The following SFMBT1 variants were observed in gnomAD, a reference collection of about 807,000 sequenced individuals.
SFMBT1 encodes scm-like with four MBT domains protein 1.
In SFMBT1, 32 loss-of-function variants were observed where a neutral mutation model predicts 108.7. The ratio of observed to expected loss-of-function variants is 0.29; its 90% CI spans 0.22 to 0.40. The LOEUF (loss-of-function observed/expected upper bound fraction) is 0.40. Ranked by LOEUF, SFMBT1 falls within the 10% of genes least tolerant of loss-of-function variation. SFMBT1 has a pLI of 1.00. For synonymous variants in SFMBT1, 348 were observed against 369.5 expected, an observed-to-expected ratio of 0.94 and a Z score of 0.67; for missense variants, 816 against 1,059.6, an observed-to-expected ratio of 0.77 and a Z score of 3.19.
At chr3:52,949,356 T>A (rs890162050) in intron 3 of SFMBT1, among the ~76,000 whole-genome samples, 87 of 152,258 alleles carry the variant, frequency 5.7e-4, no homozygotes, top group African/African-American at 1.9e-3. Context: ...CTCAACAATG[T>A]CCTTACTAAT....
At chr3:53,026,484 T>C (rs990769547) in intron 1 of SFMBT1, among the ~76,000 whole-genome samples, 7 of 152,038 alleles carry the variant, frequency 4.6e-5, no homozygotes, top group Non-Finnish European at 7.4e-5. Flanking sequence ...AAAGAGCAAA[T>C]AGAGGAACTC....
chr3:52,966,626 A>G (rs1458178305), intron 2 of SFMBT1, among the ~76,000 whole-genome samples: 2 of 121,688 alleles, frequency 1.6e-5, no homozygotes, highest in Non-Finnish European at 3.6e-5. Flanking sequence ...CTCAGTCTCA[A>G]AAAAAAAAAA....
At chr3:52,995,204 G>C (rs1698280814) in intron 1 of SFMBT1, among the ~76,000 whole-genome samples, 1 of 149,510 alleles carries the variant, frequency 6.7e-6, no homozygotes, top group African/African-American at 2.4e-5. Flanking sequence ...ATGGAAAAAG[G>C]ATAGTATTTT....
chr3:53,042,505 AATTT>A, intron 1 of SFMBT1, among the ~76,000 whole-genome samples: 1 of 152,102 alleles, frequency 6.6e-6, no homozygotes, highest in Non-Finnish European at 1.5e-5. Context: ...GCGCCTGGCT[AATTT>A]TTTTATTTTT....
intron 1 of SFMBT1, among the ~76,000 whole-genome samples, chr3:52,998,535 C>T (rs1007006132): frequency 4.7e-5 from 7 of 150,384 alleles, no homozygotes; most frequent in African/African-American, 1.7e-4. Flanking sequence ...TGCTGAAGGG[C>T]CCAGCCATAG....
intron 12 of SFMBT1, among the ~76,000 whole-genome samples, chr3:52,919,372 T>A (rs138984841): frequency 1.3e-5 from 2 of 152,278 alleles, no homozygotes; most frequent in Non-Finnish European, 2.9e-5. Context: ...GGACACACAC[T>A]ACAACATGGA....
At chr3:52,927,118 G>A (rs1298241276) in intron 9 of SFMBT1, among the ~76,000 whole-genome samples, 4 of 152,092 alleles carry the variant, frequency 2.6e-5, no homozygotes, top group Non-Finnish European at 5.9e-5. Flanking sequence ...GGGATATCTA[G>A]AGCGTGCCTG....
intron 1 of SFMBT1, among the ~76,000 whole-genome samples, chr3:53,021,653 T>A (rs1467776692): frequency 6.6e-6 from 1 of 152,100 alleles, no homozygotes; most frequent in African/African-American, 2.4e-5. Flanking sequence ...TTTGGGAGAA[T>A]CGGAAGACAC....
chr3:53,035,142 G>A (rs1349343948), intron 1 of SFMBT1, among the ~76,000 whole-genome samples: 4 of 152,226 alleles, frequency 2.6e-5, no homozygotes, highest in East Asian at 3.9e-4. Context: ...CAAATGGACT[G>A]GGCCTGAGTG....
intron 9 of SFMBT1, among the ~76,000 whole-genome samples, chr3:52,927,178 A>C (rs1433555369): frequency 6.6e-6 from 1 of 152,164 alleles, no homozygotes; most frequent in Non-Finnish European, 1.5e-5. Flanking sequence ...CCCTCCAACC[A>C]GGCATTCATC....
chr3:53,022,449 C>CAAAAAAA (rs34744052), intron 1 of SFMBT1, among the ~76,000 whole-genome samples: 1 of 40,626 alleles, frequency 2.5e-5, no homozygotes, highest in Non-Finnish European at 5.8e-5. Flanking sequence ...GGTGCTGTCT[C>CAAAAAAA]AAAAAAAAAA....
Position 52,931,012 on chromosome 3 carries a change from C to T in SFMBT1, c.724G>A (p.Ala242Thr). 6.2e-7 allele frequency: 1 copy of T among 1,613,990 alleles called. No homozygotes were observed. Among genetic ancestry groups the T allele is most frequent in the Non-Finnish European group, 8.5e-7 (1 of 1,179,920 alleles). ...PSAIRHLKNE[A>T]EWQEILAKVK... ...TTGGCCAAAATCTCTTGCCACTCAG[C>T]TTCATTTTTTAGATGTCTAATGGCT... Residue 242 changes from alanine (A) to threonine (T), a missense_variant, in exon 7 of 21, where the codon GCT (alanine) becomes ACT (threonine). Physicochemically the swap from Ala to Thr is moderately conservative, Grantham distance 58 (BLOSUM62 0). This residue lies in a region of SFMBT1 where 495 missense variants were observed against 607.4 expected (regional missense o/e 0.81). Transcript: ENST00000394752.
chr3:52,939,027 T>G (rs1195266718), intron 4 of SFMBT1, among the ~76,000 whole-genome samples: 1 of 152,246 alleles, frequency 6.6e-6, no homozygotes, highest in East Asian at 1.9e-4. Context: ...TCATTACATT[T>G]CTTAAGTACA....
chr3:52,923,818 A>G (rs1702582482), intron 10 of SFMBT1, among the ~76,000 whole-genome samples: 1 of 152,176 alleles, frequency 6.6e-6, no homozygotes, highest in Non-Finnish European at 1.5e-5. Flanking sequence ...AAGGAAGGAA[A>G]TCAAAGAAGT....
chr3:52,928,269 C>A lies in SFMBT1; in HGVS notation c.970G>T (p.Val324Leu). Residue 324 changes from valine (V) to leucine (L), a missense_variant, in exon 9 of 21, where the codon GTG becomes TTG. By Grantham distance (32) the Val-to-Leu change is conservative. Transcript: ENST00000394752. The part of the protein sequence containing the change: ...RPENHARRSF[V>L]CHADSPGIFP... ...ATGCCAGGACTGTCGGCGTGGCACACAAAGGATCGCCGTGCGTGGTTCTCA... is the reference window on the plus strand; with the variant it reads ...ATGCCAGGACTGTCGGCGTGGCACAAAAAGGATCGCCGTGCGTGGTTCTCA... The A allele has an allele frequency of 6.2e-7, 1 of 1,614,144 alleles. No homozygotes were observed.
chr3:53,022,747 T>C (rs564094801), intron 1 of SFMBT1, among the ~76,000 whole-genome samples: 1 of 152,208 alleles, frequency 6.6e-6, no homozygotes, highest in Non-Finnish European at 1.5e-5. Context: ...GCTGGTTACC[T>C]GGAGCGGGGT....
At chr3:53,037,333 T>C (rs1241497766) in intron 1 of SFMBT1, among the ~76,000 whole-genome samples, 1 of 152,200 alleles carries the variant, frequency 6.6e-6, no homozygotes, top group African/African-American at 2.4e-5. Flanking sequence ...TTTGAAGCTC[T>C]TCTCTGTTGA....
chr3:53,003,309 A>G lies in SFMBT1; in HGVS notation c.-130-34051T>C, dbSNP rs76815637. Among the ~76,000 whole-genome samples, 937 of 150,032 alleles carry G rather than the reference A, an allele frequency of 6.2e-3. 60 individuals carry two copies. Among genetic ancestry groups the G allele is most frequent in the Non-Finnish European group, 8.6e-3 (574 of 67,028 alleles). The stretch of plus-strand genomic sequence containing the variant: ...TAATGATGACACAACTAGATACTTG[A>G]TAATATTAAGGAATTATTCATTTTA... On this transcript the variant is annotated intron_variant, in intron 1 of 20. Coordinates refer to ENST00000394752, the MANE Select transcript of SFMBT1 (RefSeq NM_016329.4).
chr3:52,953,879 C>T (rs1381670378), intron 3 of SFMBT1, among the ~76,000 whole-genome samples: 2 of 152,070 alleles, frequency 1.3e-5, no homozygotes, highest in Non-Finnish European at 2.9e-5. Flanking sequence ...CCTGTAATCC[C>T]AGCACTTTGG....
Sources: gnomAD v4.1 joint callset for allele counts (sites outside exome capture counted in the v4.1 genomes callset) on GRCh38, gnomAD v4.1.1 for gene constraint, gnomAD v4.1.1 regional missense constraint, MANE v1.5 for transcripts, NCBI Gene and HGNC (gene_info 2026-07-23, HGNC 2026-07-21) for gene names.